ZNF467: variants seen among roughly 807,000 people sequenced by gnomAD.
The protein encoded by ZNF467 is zinc finger protein 467, also known as zinc finger protein EZI.
A neutral mutation model predicts 47.8 loss-of-function variants in ZNF467; 51 were observed. The observed-to-expected ratio is 1.07, with a 90% confidence interval of 0.85 to 1.35. The LOEUF is 1.35. ZNF467 is among the 40% of genes most tolerant of loss of function. The pLI, the probability that ZNF467 is intolerant of heterozygous loss-of-function variation, is 0.00. For missense variants in ZNF467, 992 were observed against 858.1 expected (o/e 1.16, Z -1.95); for synonymous variants, 416 against 372.9 (o/e 1.12, Z -1.33).
In ZNF467 at chr7:149,765,697, C is replaced by A. The variant is rs200955414; in HGVS notation, c.805G>T (p.Glu269Ter). ...LGSHQKTHTG[E>*]RPFPCTECEK... Reference sequence around the variant, plus strand: ...CATTCCGTGCAGGGGAAGGGCCGCTCGCCGGTGTGGGTCTTTTGGTGCGAG... The same window carrying A: ...CATTCCGTGCAGGGGAAGGGCCGCTAGCCGGTGTGGGTCTTTTGGTGCGAG... The change falls in exon 5 of 5, where the codon GAG becomes TAG. Residue 269 changes from glutamate to a stop codon, truncating the protein, a stop_gained. Coordinates refer to ENST00000302017, the MANE Select transcript of ZNF467 (RefSeq NM_207336.3). LOFTEE classifies it high-confidence loss of function. 6.2e-7 allele frequency: 1 copy of A among 1,613,552 alleles called. No individual in the cohort carries two copies. The highest frequency in any genetic ancestry group is 2.2e-5 in the East Asian group (1 of 44,870).
chr7:149,768,913 C>T (rs888370204), intron 4 of ZNF467, among the ~76,000 whole-genome samples, 177 bp downstream of exon 4: 23 of 152,210 alleles, frequency 1.5e-4, no homozygotes, highest in Non-Finnish European at 2.5e-4. Flanking sequence ...AATTCCCTTT[C>T]GGCATTGAAG....
intron 4 of ZNF467, among the ~76,000 whole-genome samples, chr7:149,766,909 T>G (rs1799241380): frequency 6.6e-6 from 1 of 152,156 alleles, no homozygotes; most frequent in African/African-American, 2.4e-5. Flanking sequence ...GAAGTCCCAT[T>G]TAGGAAGACC....
rs1799066099 is a variant in ZNF467, at chr7:149,764,201, C to A, written c.*513G>T. ...GGTGGCTTAGTGAATAAATATATTA[C>A]ATTTTTATTTGGGAGAACCAATTAA... On this transcript the variant is annotated 3_prime_UTR_variant, in exon 5 of 5. Coordinates refer to ENST00000302017, the MANE Select transcript of ZNF467 (RefSeq NM_207336.3). The A allele has an allele frequency of 3.4e-6, 1 of 297,972 alleles. No homozygotes were observed. The highest frequency in any genetic ancestry group is 5.1e-5 in the Admixed American group (1 of 19,632). 18.5% of individuals were successfully genotyped at this position (297,972 alleles called of 1,614,324 possible). A position where few individuals can be genotyped will look rare whatever the true frequency, so the allele number is the denominator to read the frequency against.
upstream of ZNF467, chr7:149,776,443 C>T (rs748392105): frequency 8.8e-5 from 119 of 1,350,678 alleles, no homozygotes; most frequent in Non-Finnish European, 1.0e-4. Context: ...CCATTACAGC[C>T]GCCTGGGCTG....
In ZNF467 at chr7:149,765,025, C is replaced by G. The variant is rs760946798; in HGVS notation, c.1477G>C (p.Gly493Arg). The change falls in exon 5 of 5, where the codon GGC becomes CGC. Residue 493 changes from glycine (G) to arginine (R), a missense_variant. Transcript: ENST00000302017. ...GARPFACAQC[G>R]RRFSRKSHLG... The stretch of plus-strand genomic sequence containing the variant: ...TGCGACTTGCGGCTGAAGCGGCGGC[C>G]GCACTGAGCGCAGGCGAAAGGCCTG... The G allele has an allele frequency of 2.6e-6, 4 of 1,562,666 alleles. No homozygotes were observed. The highest frequency in any genetic ancestry group is 2.3e-5 in the East Asian group (1 of 42,974).
rs1399364582 is a variant in ZNF467, at chr7:149,764,979, A to G, written c.1523T>C (p.Val508Ala). ...GGCGTGGGGGCGGCTGCCAGTGTGC[A>G]CCGCCTGGTGGCGGCCCAGGTGCGA... Reference protein sequence around the residue: ...RKSHLGRHQAVHTGSRPHACA... With the variant: ...RKSHLGRHQAAHTGSRPHACA... Residue 508 changes from valine to alanine, a missense_variant, in exon 5 of 5, where the codon GTG (valine) becomes GCG (alanine). Physicochemically the swap from Val to Ala is moderately conservative, Grantham distance 64. Coordinates refer to ENST00000302017, the MANE Select transcript of ZNF467 (RefSeq NM_207336.3). 5.7e-6 allele frequency: 9 copies of G among 1,591,714 alleles called. No homozygotes were observed. The highest frequency in any genetic ancestry group is 7.7e-6 in the Non-Finnish European group (9 of 1,174,834).
At chr7:149,768,401 G>A (rs1799286610) in intron 4 of ZNF467, among the ~76,000 whole-genome samples, 2 of 152,216 alleles carry the variant, frequency 1.3e-5, no homozygotes, top group South Asian at 4.1e-4. Context: ...AGCTCCTGGA[G>A]GCAAGGTGGC....
In ZNF467 at chr7:149,764,749, G is replaced by A. The variant is rs895885304; in HGVS notation, c.1753C>T (p.Pro585Ser). The A allele has an allele frequency of 2.6e-6, 4 of 1,543,998 alleles. No individual in the cohort carries two copies. The highest frequency in any genetic ancestry group is 2.7e-5 in the African/African-American group (2 of 73,026). ...AGCGGGGGCGGCGCCACCTCGGGGG[G>A]AGCGGACCAGGCTGGGGCCGCAAGG... ...AALAAPAWSA[P>S]PEVAPPPLFF Residue 585 changes from proline (P) to serine (S), a missense_variant, in exon 5 of 5, where the codon CCC (proline) becomes TCC (serine). By Grantham distance (74) the Pro-to-Ser change is moderately conservative (BLOSUM62 -1). Transcript: ENST00000302017.
chr7:149,770,371 G>A, intron 3 of ZNF467, 69 bp downstream of exon 3: 3 of 1,018,492 alleles, frequency 2.9e-6, no homozygotes, highest in South Asian at 1.6e-5. Context: ...AGAAGGGAGA[G>A]AGGTAGGGAG....
In ZNF467 at chr7:149,765,697, C is replaced by T. The variant is rs200955414; in HGVS notation, c.805G>A (p.Glu269Lys). The T allele has an allele frequency of 3.1e-6, 5 of 1,613,434 alleles. No homozygotes were observed. The highest frequency in any genetic ancestry group is 3.4e-6 in the Non-Finnish European group (4 of 1,179,862). Reference sequence around the variant, plus strand: ...CATTCCGTGCAGGGGAAGGGCCGCTCGCCGGTGTGGGTCTTTTGGTGCGAG... The same window carrying T: ...CATTCCGTGCAGGGGAAGGGCCGCTTGCCGGTGTGGGTCTTTTGGTGCGAG... ...LGSHQKTHTG[E>K]RPFPCTECEK... Residue 269 changes from glutamate (E) to lysine (K), a missense_variant, in exon 5 of 5, where the codon GAG becomes AAG. Coordinates refer to ENST00000302017, the MANE Select transcript of ZNF467 (RefSeq NM_207336.3).
chr7:149,773,648 G>C (rs1348263138), upstream of ZNF467, among the ~76,000 whole-genome samples: 1 of 146,012 alleles, frequency 6.8e-6, no homozygotes, highest in Non-Finnish European at 1.5e-5. Flanking sequence ...GAACGGGTGG[G>C]GGGGTGGCGG....
At position 149,764,617 on chromosome 7, in the gene ZNF467, C is replaced by G. The variant is rs773657017; in HGVS notation, c.*97G>C. The G allele has an allele frequency of 4.3e-4, 663 of 1,547,714 alleles. No individual in the cohort carries two copies. Among genetic ancestry groups the G allele is most frequent in the Non-Finnish European group, 5.4e-4 (615 of 1,145,670 alleles). The stretch of plus-strand genomic sequence containing the variant: ...AGGTGTCCCGCGGCGGCCAAACCTT[C>G]GGGCAGCAGCCCAGGTCGCCTTGCT... On this transcript the variant is annotated 3_prime_UTR_variant, in exon 5 of 5. Coordinates refer to ENST00000302017, the MANE Select transcript of ZNF467 (RefSeq NM_207336.3).
At chr7:149,774,278 C>A (rs547561564), upstream of ZNF467, among the ~76,000 whole-genome samples, 1 of 152,298 alleles carries the variant, frequency 6.6e-6, no homozygotes, top group Admixed American at 6.5e-5. The surrounding 1 kb of genome is among the most constrained non-coding windows in gnomAD (Gnocchi z 5.7). Context: ...TTCTCCTTGG[C>A]CTTGTTCCCG....
At position 149,764,849 on chromosome 7, in the gene ZNF467, G is replaced by A. The variant is rs747811588; in HGVS notation, c.1653C>T (p.Ser551=). Residue 551 remains serine, a synonymous_variant, in exon 5 of 5, where the codon AGC becomes AGT. Coordinates refer to ENST00000302017, the MANE Select transcript of ZNF467 (RefSeq NM_207336.3). The part of the protein sequence containing the change: ...RPFSCPQCGK[S]FSRKTHLVRH... ...GCACCAGGTGGGTCTTGCGGCTGAAGCTCTTTCCGCACTGCGGGCAGGAGA... is the reference window on the plus strand; with the variant it reads ...GCACCAGGTGGGTCTTGCGGCTGAAACTCTTTCCGCACTGCGGGCAGGAGA... 1.9e-6 allele frequency: 3 copies of A among 1,549,926 alleles called. No homozygotes were observed. Among genetic ancestry groups the A allele is most frequent in the Non-Finnish European group, 1.7e-6 (2 of 1,148,796 alleles).
At chr7:149,775,708 T>TACACAC (rs3085320), upstream of ZNF467, among the ~76,000 whole-genome samples, 951 of 138,954 alleles carry the variant, frequency 6.8e-3, 5 homozygotes, top group African/African-American at 0.012. Flanking sequence ...AGTGTGAAAA[T>TACACAC]ACACACACAC....
Position 149,765,785 on chromosome 7 carries a change from C to T in ZNF467, c.717G>A (p.Thr239=), listed in dbSNP as rs760573894. 6.2e-6 allele frequency: 10 copies of T among 1,611,232 alleles called. No homozygotes were observed. The highest frequency in any genetic ancestry group is 7.6e-6 in the Non-Finnish European group (9 of 1,178,966). Residue 239 remains threonine, a synonymous_variant, in exon 5 of 5, where the codon ACG becomes ACA. Transcript: ENST00000302017. ...CCGCGCACGGGTAGGGCCGCTCGCC[C>T]GTGTGCGTGCGCAGGTGGCGGGTCA... The part of the protein sequence containing the change: ...AHLTRHLRTH[T]GERPYPCAEC...
rs1162904492 is a variant in ZNF467 at position 149,765,759 on chromosome 7, T to A, written c.743A>T (p.Glu248Val). ...CTTCTGGCTGAAGCGCTTGCCGCACTCCGCGCACGGGTAGGGCCGCTCGCC... is the reference window on the plus strand; with the variant it reads ...CTTCTGGCTGAAGCGCTTGCCGCACACCGCGCACGGGTAGGGCCGCTCGCC... Reference protein sequence around the residue: ...HTGERPYPCAECGKRFSQKIH... With the variant: ...HTGERPYPCAVCGKRFSQKIH... The change falls in exon 5 of 5, where the codon GAG becomes GTG. Residue 248 changes from glutamate to valine, a missense_variant. Physicochemically the swap from Glu to Val is moderately radical, Grantham distance 121. Transcript: ENST00000302017. 6.2e-7 allele frequency: 1 copy of A among 1,612,906 alleles called. No individual in the cohort carries two copies. Among genetic ancestry groups the A allele is most frequent in the Non-Finnish European group, 8.5e-7 (1 of 1,179,590 alleles).
intron 2 of ZNF467, 105 bp downstream of exon 2, chr7:149,770,894 G>T: frequency 7.0e-7 from 1 of 1,435,138 alleles, no homozygotes; most frequent in Non-Finnish European, 9.8e-7. Context: ...GGCCCCTGGG[G>T]CCTCAGGGTT....
upstream of ZNF467, chr7:149,775,989 C>T: frequency 7.6e-7 from 1 of 1,317,980 alleles, no homozygotes; most frequent in South Asian, 1.2e-5. Flanking sequence ...AGCATTGCCT[C>T]TCTTGAGCCC....
Sources: allele counts gnomAD v4.1 joint callset (sites outside exome capture counted in the v4.1 genomes callset), GRCh38; gene constraint gnomAD v4.1.1; non-coding constraint Gnocchi (gnomAD v3.1); transcripts MANE v1.5; gene names NCBI Gene and HGNC (gene_info 2026-07-23, HGNC 2026-07-21).